Variants in TMEM87A observed in about 807,000 individuals in gnomAD.
TMEM87A encodes Golgi-pH regulating cation channel.
In TMEM87A, 50 loss-of-function variants were observed where a neutral mutation model predicts 90.0. The observed-to-expected ratio is 0.56, with a 90% CI of 0.44 to 0.70. The LOEUF (loss-of-function observed/expected upper bound fraction) is 0.70, where lower values mean the gene tolerates loss of function less well. Ranked by LOEUF, TMEM87A falls within the 30% of genes least tolerant of loss-of-function variation. The pLI is 0.00. For synonymous variants in TMEM87A, 226 were observed against 226.7 expected (o/e 1.00, Z 0.03); for missense variants, 577 against 660.5 (o/e 0.87, Z 1.39).
intron 10 of TMEM87A, among the ~76,000 whole-genome samples, chr15:42,235,787 C>A (rs1376453812): frequency 7.9e-5 from 12 of 152,190 alleles, no homozygotes; most frequent in African/African-American, 2.4e-4. Context: ...GCACTTTCCA[C>A]TGACATATTA....
chr15:42,259,722 T>C (rs2051253167), intron 6 of TMEM87A, among the ~76,000 whole-genome samples: 1 of 152,132 alleles, frequency 6.6e-6, no homozygotes, highest in Non-Finnish European at 1.5e-5. Context: ...TGTGCACACA[T>C]GCCCAGGGCT....
At position 42,264,699 on chromosome 15, in the gene TMEM87A, A is replaced by ATATATATTTTTTTTT. The variant is rs10681614; in HGVS notation, c.292-497_292-496insAAAAAAAAATATATA. On this transcript the variant is annotated intron_variant, in intron 3 of 19. Transcript: ENST00000389834. ...TATGTGTGTGTATATATATATATAT[A>ATATATATTTTTTTTT]TTTTTTTTTTAACTTTTATTTTAGG... Among the ~76,000 whole-genome samples the ATATATATTTTTTTTT allele has an allele frequency of 7.1e-3, 775 of 109,388 alleles. 8 individuals are homozygous for ATATATATTTTTTTTT. The highest frequency in any genetic ancestry group is 0.011 in the Non-Finnish European group (579 of 52,476). 71.8% of individuals were successfully genotyped at this position (109,388 alleles called of 152,430 possible).
chr15:42,265,391 T>C (rs920179687), intron 3 of TMEM87A, among the ~76,000 whole-genome samples: 6 of 152,150 alleles, frequency 3.9e-5, no homozygotes, highest in African/African-American at 1.4e-4. Context: ...GACTTTCTCA[T>C]AATAGCCATT....
intron 3 of TMEM87A, among the ~76,000 whole-genome samples, chr15:42,266,862 T>C (rs1411453779): frequency 1.3e-5 from 2 of 152,216 alleles, no homozygotes; most frequent in Non-Finnish European, 2.9e-5. Flanking sequence ...CTTTGACTTG[T>C]GAGTTAAACT....
At chr15:42,229,073 GCTCACTGCAGC>G (rs1227821210) in intron 12 of TMEM87A, among the ~76,000 whole-genome samples, 1 of 151,950 alleles carries the variant, frequency 6.6e-6, no homozygotes, top group Non-Finnish European at 1.5e-5. Context: ...CACAATCACG[GCTCACTGCAGC>G]CTTGACCACT....
At chr15:42,259,112 G>A in intron 6 of TMEM87A, 1 of 646,592 alleles carries the variant, frequency 1.5e-6, no homozygotes, top group South Asian at 1.8e-5. Flanking sequence ...CAGCTTAGCA[G>A]CCACTAGGCA....
intron 6 of TMEM87A, among the ~76,000 whole-genome samples, chr15:42,245,607 G>A (rs560564876): frequency 4.3e-4 from 63 of 145,884 alleles, no homozygotes; most frequent in African/African-American, 1.5e-3. Context: ...TCACTGTGAC[G>A]TCCGCCTCCC....
At chr15:42,220,877 C>T (rs1009564936) in intron 15 of TMEM87A, among the ~76,000 whole-genome samples, 30 of 152,124 alleles carry the variant, frequency 2.0e-4, no homozygotes, top group Non-Finnish European at 3.2e-4. Flanking sequence ...CTGCAAGCTC[C>T]GCCTCCCGGG....
rs1441955732 is a variant in TMEM87A at position 42,233,230 on chromosome 15, C to T, written c.1045G>A (p.Val349Ile). The change falls in exon 11 of 20, where the codon GTC becomes ATC. Residue 349 changes from valine (V) to isoleucine (I), a missense_variant. Transcript: ENST00000389834. ...LYLLFSGMEG[V>I]LRVTGAQTDL... ...GTACTAACCCCAGTAACTCTGAGGA[C>T]CCCTTCCATGCCAGAGAACAAAAGA... 6.2e-7 allele frequency: 1 copy of T among 1,613,698 alleles called. No individual in the cohort carries two copies. Among genetic ancestry groups the T allele is most frequent in the African/African-American group, 1.3e-5 (1 of 74,882 alleles).
At chr15:42,266,589 T>A (rs2051409543) in intron 3 of TMEM87A, among the ~76,000 whole-genome samples, 1 of 152,032 alleles carries the variant, frequency 6.6e-6, no homozygotes, top group Non-Finnish European at 1.5e-5. Context: ...AAAGCAATAG[T>A]GGGTAAAACT....
chr15:42,247,961 T>C (rs1390701293), intron 6 of TMEM87A, among the ~76,000 whole-genome samples: 2 of 152,216 alleles, frequency 1.3e-5, no homozygotes, highest in Admixed American at 6.5e-5. Flanking sequence ...TTTTATTTCT[T>C]TGAGCAGTGG....
At chr15:42,212,843 G>A (rs1378851067) in intron 19 of TMEM87A, among the ~76,000 whole-genome samples, 1 of 152,116 alleles carries the variant, frequency 6.6e-6, no homozygotes, top group Non-Finnish European at 1.5e-5. Context: ...CATGTAAATT[G>A]TTTCTCCTGT....
chr15:42,227,222 G>A (rs1041092563), intron 14 of TMEM87A, among the ~76,000 whole-genome samples: 1 of 152,120 alleles, frequency 6.6e-6, no homozygotes, highest in Non-Finnish European at 1.5e-5. Context: ...CTTATACAGT[G>A]TAAGAGAAAG....
At chr15:42,250,934 T>C (rs1595735968) in intron 6 of TMEM87A, among the ~76,000 whole-genome samples, 1 of 152,202 alleles carries the variant, frequency 6.6e-6, no homozygotes, top group Non-Finnish European at 1.5e-5. Flanking sequence ...GCTTTTTTCA[T>C]TTCTTTTTAC....
intron 15 of TMEM87A, among the ~76,000 whole-genome samples, chr15:42,220,884 C>T (rs1044753432): frequency 4.6e-5 from 7 of 152,156 alleles, no homozygotes; most frequent in East Asian, 1.9e-4. Flanking sequence ...CTCCGCCTCC[C>T]GGGTTCACAC....
chr15:42,265,470 T>C (rs1415641506), intron 3 of TMEM87A, among the ~76,000 whole-genome samples: 1 of 152,180 alleles, frequency 6.6e-6, no homozygotes, highest in Non-Finnish European at 1.5e-5. Context: ...TACTGAGCTT[T>C]TTTTTTTTCA....
chr15:42,272,832 G>C (rs972301899), intron 1 of TMEM87A: 16 of 419,850 alleles, frequency 3.8e-5, no homozygotes, highest in African/African-American at 3.3e-4. Context: ...GAATTACCCA[G>C]GGACCAAGAA....
At chr15:42,229,611 A>G (rs930181069) in intron 12 of TMEM87A, among the ~76,000 whole-genome samples, 4 of 152,112 alleles carry the variant, frequency 2.6e-5, no homozygotes, top group Admixed American at 2.6e-4. Flanking sequence ...CCAGAGATCT[A>G]CACTCAGTCC....
intron 6 of TMEM87A, among the ~76,000 whole-genome samples, chr15:42,250,295 T>A (rs1393134821): frequency 6.6e-6 from 1 of 152,228 alleles, no homozygotes; most frequent in Non-Finnish European, 1.5e-5. Flanking sequence ...ATGTGTGAAT[T>A]TGATCCTGTC....
Sources: gnomAD v4.1 joint callset for allele counts (sites outside exome capture counted in the v4.1 genomes callset) on GRCh38, gnomAD v4.1.1 for gene constraint, MANE v1.5 for transcripts, NCBI Gene and HGNC (gene_info 2026-07-23, HGNC 2026-07-21) for gene names.